Variants in TOE1 observed in about 807,000 individuals in gnomAD.
TOE1 encodes the protein target of EGR1, exonuclease, also known as target of EGR1 protein 1.
In TOE1, 50 loss-of-function variants were observed where a neutral mutation model predicts 49.2. The ratio of observed to expected loss-of-function variants is 1.02; its 90% CI spans 0.81 to 1.29. TOE1 has a LOEUF of 1.29. Ranked by LOEUF, TOE1 falls within the 50% of genes most tolerant of loss-of-function variation. The pLI, the probability that TOE1 is intolerant of heterozygous loss-of-function variation, is 0.00. For missense variants in TOE1, 544 were observed against 654.4 expected, an observed-to-expected ratio of 0.83 and a Z score of 1.84; for synonymous variants, 221 against 247.0, an observed-to-expected ratio of 0.89 and a Z score of 0.99.
intron 4 of TOE1, 64 bp from the exon 5 acceptor site, chr1:45,341,885 G>A: frequency 6.4e-7 from 1 of 1,555,160 alleles, no homozygotes; most frequent in Admixed American, 1.7e-5. Context: ...TCATTCTTAA[G>A]CTTTTGCATC....
At position 45,343,717 on chromosome 1, in the gene TOE1, T is replaced by C; in HGVS notation, c.*15T>C. On this transcript the variant is annotated 3_prime_UTR_variant, in exon 8 of 8. Transcript: ENST00000372090. This position sits in a 1 kb window ranked among gnomAD's most constrained non-coding sequence, Gnocchi z 4.3. ...GCAGTAGCTGATGCAACTTCCACCT[T>C]GCTCTCAGGTGGAACAGAGGTATTT... The C allele has an allele frequency of 6.3e-7, 1 of 1,598,470 alleles. No individual in the cohort carries two copies. Among genetic ancestry groups the C allele is most frequent in the South Asian group, 1.1e-5 (1 of 89,886 alleles).
intron 5 of TOE1, 84 bp downstream of exon 5, chr1:45,342,191 A>G (rs1203225604): frequency 2.6e-6 from 4 of 1,555,388 alleles, no homozygotes. Flanking sequence ...TCTGGGGAGA[A>G]TCTGCTTCTT....
chr1:45,342,818 C>T (rs1235945916), intron 6 of TOE1, 25 bp from the exon 7 acceptor site: 5 of 1,613,790 alleles, frequency 3.1e-6, no homozygotes, highest in East Asian at 2.2e-5. Context: ...TGCTAGTGGA[C>T]CATTACCCTC....
chr1:45,342,726 T>C (rs1647061743), intron 6 of TOE1, 83 bp downstream of exon 6: 18 of 1,599,584 alleles, frequency 1.1e-5, no homozygotes, highest in East Asian at 4.5e-5. Flanking sequence ...GCTCCTACCA[T>C]GTGCCCAGGC....
chr1:45,342,096 G>C lies in TOE1; in HGVS notation c.481G>C (p.Gly161Arg). The stretch of plus-strand genomic sequence containing the variant: ...TGCCCAAGGCATCCCCTACCATAAG[G>C]GCAATGACAAGGTAGGCCTCTAGCC... ...QYAQGIPYHK[G>R]NDKGDESQSQ... Residue 161 changes from glycine to arginine, a missense_variant, in exon 5 of 8, where the codon GGC becomes CGC. Transcript: ENST00000372090. The C allele has an allele frequency of 6.2e-7, 1 of 1,613,788 alleles. No homozygotes were observed. The highest frequency in any genetic ancestry group is 8.5e-7 in the Non-Finnish European group (1 of 1,179,822).
Position 45,340,212 on chromosome 1 carries a change from A to G in TOE1, c.-41A>G, listed in dbSNP as rs1211077933. ...GCGCCAGGAGACGGACCGCAAGTCC[A>G]GCGTACCCACAGACGACTCAGGCGG... is the stretch of plus-strand genomic sequence containing the variant. On this transcript the variant is annotated 5_prime_UTR_variant, in exon 1 of 8. Coordinates refer to ENST00000372090, the MANE Select transcript of TOE1 (RefSeq NM_025077.4). 7.4e-6 allele frequency: 12 copies of G among 1,613,634 alleles called. No individual in the cohort carries two copies. In the Admixed American group the frequency reaches 2.0e-4, roughly 27 times the overall value.
In TOE1 at chr1:45,341,207, G is replaced by T; in HGVS notation, c.187G>T (p.Val63Leu). 1 of 1,614,206 alleles carries T rather than the reference G, an allele frequency of 6.2e-7. No homozygotes were observed. The highest frequency in any genetic ancestry group is 8.5e-7 in the Non-Finnish European group (1 of 1,180,044). ...CATAAAGACAGCTAATTTCGTGGCT[G>T]TGGACACGGTGAGAGTTGGGAAACA... is the stretch of plus-strand genomic sequence containing the variant. ...LAIKTANFVA[V>L]DTELSGLGDR... Residue 63 changes from valine to leucine, a missense_variant, in exon 2 of 8, where the codon GTG (valine) becomes TTG (leucine). Transcript: ENST00000372090.
At chr1:45,340,384 G>A in intron 1 of TOE1, 80 bp downstream of exon 1, 2 of 1,550,452 alleles carry the variant, frequency 1.3e-6, no homozygotes, top group Middle Eastern at 1.7e-4. Flanking sequence ...AGTTCTAGAG[G>A]CTCCTCAAGC....
chr1:45,342,062 C>T lies in TOE1; in HGVS notation c.447C>T (p.Asn149=), dbSNP rs188430743. 59 of 1,613,984 alleles carry T rather than the reference C, an allele frequency of 3.7e-5. 1 individual carries two copies. In the East Asian group the frequency reaches 1.2e-3, roughly 34 times the overall value. ...QFLIQHGFNF[N]QQYAQGIPYH... The stretch of plus-strand genomic sequence containing the variant: ...TGATACAGCATGGCTTCAACTTCAA[C>T]CAGCAGTATGCCCAAGGCATCCCCT... Residue 149 remains asparagine, a synonymous_variant, in exon 5 of 8, where the codon AAC becomes AAT. Transcript: ENST00000372090.
chr1:45,343,630 G>A lies in TOE1; in HGVS notation c.1461G>A (p.Val487=). ...GTGGCAAAGCTGTACCCCTCACAGTGGCCAAGAGCCAGTTCTCTCGTTCCT... is the reference window on the plus strand; with the variant it reads ...GTGGCAAAGCTGTACCCCTCACAGTAGCCAAGAGCCAGTTCTCTCGTTCCT... ...YLSGKAVPLT[V]AKSQFSRSSK... Residue 487 remains valine, a synonymous_variant, in exon 8 of 8, where the codon GTG becomes GTA. Transcript: ENST00000372090. The surrounding 1 kb of genome is among the most constrained non-coding windows in gnomAD (Gnocchi z 4.3). 1 of 1,614,000 alleles carries A rather than the reference G, an allele frequency of 6.2e-7. No homozygotes were observed.
chr1:45,342,783 A>C (rs776498955), intron 6 of TOE1, 60 bp from the exon 7 acceptor site: 1 of 1,610,030 alleles, frequency 6.2e-7, no homozygotes, highest in Admixed American at 1.7e-5. Context: ...ACAGACCACA[A>C]AACCCTGCTC....
intron 6 of TOE1, 82 bp from the exon 7 acceptor site, chr1:45,342,761 G>T: frequency 6.2e-7 from 1 of 1,603,868 alleles, no homozygotes; most frequent in Non-Finnish European, 8.5e-7. Flanking sequence ...TGAGGATTCA[G>T]CAGTGAACAA....
In TOE1 at chr1:45,341,022, C is replaced by G. The variant is rs778390527; in HGVS notation, c.53-51C>G. On this transcript the variant is annotated intron_variant, in intron 1 of 7. Transcript: ENST00000372090. ...CCGTGGCCTAGCTTGGTGTCTGTTC[C>G]CCTGGGCTCTTTCCTTAAGCATGAA... 1.9e-6 allele frequency: 3 copies of G among 1,611,916 alleles called. No homozygotes were observed. The Admixed American group carries it at 5.0e-5, about 27-fold the overall frequency.
intron 5 of TOE1, 42 bp from the exon 6 acceptor site, chr1:45,342,342 G>A (rs754800220): frequency 4.4e-5 from 70 of 1,602,324 alleles, no homozygotes; most frequent in Admixed American, 1.5e-4. Context: ...AGGCTCCCTG[G>A]GGGACTCTGT....
chr1:45,340,376 T>A, intron 1 of TOE1, 72 bp downstream of exon 1: 1 of 1,556,454 alleles, frequency 6.4e-7, no homozygotes, highest in African/African-American at 1.4e-5. Context: ...GGGCTCATAG[T>A]TCTAGAGGCT....
intron 1 of TOE1, 21 bp from the exon 2 acceptor site, chr1:45,341,052 C>T (rs1437432789): frequency 1.9e-6 from 3 of 1,614,050 alleles, no homozygotes; most frequent in South Asian, 2.2e-5. Flanking sequence ...CATGAACATC[C>T]ATCACCCTCC....
intron 1 of TOE1, chr1:45,340,684 G>A: frequency 1.1e-6 from 1 of 901,934 alleles, no homozygotes; most frequent in South Asian, 1.9e-5. Context: ...GTGGCGCTGG[G>A]GCACCATGAG....
In TOE1 at chr1:45,342,807, A is replaced by G. The variant is rs377027383; in HGVS notation, c.753-36A>G. Reference sequence around the variant, plus strand: ...AAAACCCTGCTCTTATGGAGCTTATATGCTAGTGGACCATTACCCTCTTGC... The same window carrying G: ...AAAACCCTGCTCTTATGGAGCTTATGTGCTAGTGGACCATTACCCTCTTGC... On this transcript the variant is annotated intron_variant, in intron 6 of 7. Transcript: ENST00000372090. The G allele has an allele frequency of 1.4e-4, 219 of 1,613,624 alleles. 1 individual carries two copies. The African/African-American group carries it at 2.4e-3, about 18-fold the overall frequency.
Position 45,342,404 on chromosome 1 carries a change from G to A in TOE1, c.513G>A (p.Gln171=). The A allele has an allele frequency of 6.2e-7, 1 of 1,614,126 alleles. No individual in the cohort carries two copies. The highest frequency in any genetic ancestry group is 8.5e-7 in the Non-Finnish European group (1 of 1,180,024). The change falls in exon 6 of 8, where the codon CAG becomes CAA. Residue 171 remains glutamine (Q), a synonymous_variant. Transcript: ENST00000372090. ...GNDKGDESQS[Q]SVRTLFLELI... ...TCTAGGGTGATGAGAGCCAGAGCCA[G>A]TCAGTACGGACCCTATTCCTGGAGC...
Sources: allele counts gnomAD v4.1 joint callset, GRCh38; gene constraint gnomAD v4.1.1; non-coding constraint Gnocchi (gnomAD v3.1); transcripts MANE v1.5; gene names NCBI Gene and HGNC (gene_info 2026-07-23, HGNC 2026-07-21).